NTN1: variants seen among roughly 807,000 people sequenced by gnomAD.
NTN1 encodes the protein netrin-1.
NTN1 carries 11 observed loss-of-function variants against 54.2 expected under a neutral mutation model. That is an observed-to-expected ratio of 0.20 (90% CI 0.13 to 0.34). The LOEUF is 0.34. Ranked by LOEUF, NTN1 falls within the 10% of genes least tolerant of loss-of-function variation. The pLI is 1.00. For synonymous variants in NTN1, 371 were observed against 382.0 expected, an observed-to-expected ratio of 0.97 and a Z score of 0.33; for missense variants, 740 against 893.1, an observed-to-expected ratio of 0.83 and a Z score of 2.18.
the NTN1 span, among the ~76,000 whole-genome samples, chr17:9,003,553 G>A: frequency 6.7e-6 from 1 of 148,212 alleles, no homozygotes; most frequent in African/African-American, 2.4e-5. The surrounding 1 kb of genome is among the most constrained non-coding windows in gnomAD (Gnocchi z 7.4). Context: ...GCACGGTCAC[G>A]CCGGCAGGTC....
chr17:9,216,525 G>A (rs995879471), intron 5 of NTN1, among the ~76,000 whole-genome samples: 10 of 152,152 alleles, frequency 6.6e-5, no homozygotes, highest in East Asian at 1.9e-4. Context: ...AGTATTCACC[G>A]TTTGGTCCTT....
intron 6 of NTN1, among the ~76,000 whole-genome samples, chr17:9,224,476 A>G (rs1905467543): frequency 1.3e-5 from 2 of 152,178 alleles, no homozygotes; most frequent in Admixed American, 1.3e-4. Context: ...CTCATGGGTT[A>G]TCAGCAAAGC....
chr17:9,198,981 C>T (rs1306214209), intron 5 of NTN1, among the ~76,000 whole-genome samples: 3 of 152,148 alleles, frequency 2.0e-5, no homozygotes, highest in African/African-American at 4.8e-5. Context: ...GACTTGGGCC[C>T]CTTGGGACAA....
rs895740192 is a variant in NTN1 at position 9,239,278 on chromosome 17, C to A, written c.1487-362C>A. ...CACCCCTGAGGAACCTCCCTCTCCC[C>A]GCCAGCACTGCTCTCACCCGAGCGC... On this transcript the variant is annotated intron_variant, in intron 6 of 6. Coordinates refer to ENST00000173229, the MANE Select transcript of NTN1 (RefSeq NM_004822.3). This position sits in a 1 kb window ranked among gnomAD's most constrained non-coding sequence, Gnocchi z 5.2. 6.6e-6 allele frequency among the ~76,000 whole-genome samples: 1 copy of A among 152,176 alleles called. No homozygotes were observed. The highest frequency in any genetic ancestry group is 2.4e-5 in the African/African-American group (1 of 41,444).
At chr17:9,173,418 C>A (rs914084859) in intron 3 of NTN1, 1 of 152,466 alleles carries the variant, frequency 6.6e-6, no homozygotes. Context: ...GATATGGGGA[C>A]CTGGGGAGCC....
At position 9,239,188 on chromosome 17, in the gene NTN1, G is replaced by T. The variant is rs930756632; in HGVS notation, c.1487-452G>T. Among the ~76,000 whole-genome samples the T allele has an allele frequency of 4.6e-5, 7 of 152,180 alleles. No homozygotes were observed. The highest frequency in any genetic ancestry group is 1.4e-4 in the African/African-American group (6 of 41,440). On this transcript the variant is annotated intron_variant, in intron 6 of 6. Transcript: ENST00000173229. The surrounding 1 kb of genome is among the most constrained non-coding windows in gnomAD (Gnocchi z 5.2). The stretch of plus-strand genomic sequence containing the variant: ...TTATGGTTTTCTGAGGCTGGTTGGA[G>T]GGCCAGGCTGTGTGTGGAGTGTCAT...
intron 3 of NTN1, chr17:9,177,491 A>T (rs2092403512): frequency 1.3e-5 from 2 of 152,278 alleles, no homozygotes; most frequent in African/African-American, 4.8e-5. Context: ...CCAAGGATCC[A>T]GAAGTTACTG....
rs2091857053 is a variant in NTN1 at position 9,022,852 on chromosome 17, C to CCATCTACAAGTCCATGGA, written c.481_498dup (p.Ile161_Asp166dup). On this transcript the variant is annotated inframe_insertion, in exon 2 of 7. Coordinates refer to ENST00000173229, the MANE Select transcript of NTN1 (RefSeq NM_004822.3). ...TGCTCGCCGCGGCCCGAGTCCATGG[C>CCATCTACAAGTCCATGGA]CATCTACAAGTCCATGGACTACGGG... 6.2e-7 allele frequency: 1 copy of CCATCTACAAGTCCATGGA among 1,611,406 alleles called. No individual in the cohort carries two copies. Among genetic ancestry groups the CCATCTACAAGTCCATGGA allele is most frequent in the African/African-American group, 1.3e-5 (1 of 74,846 alleles).
At chr17:9,199,787 T>C (rs971611233) in intron 5 of NTN1, among the ~76,000 whole-genome samples, 4 of 152,278 alleles carry the variant, frequency 2.6e-5, no homozygotes, top group Admixed American at 6.5e-5. Context: ...TAACAACATA[T>C]AGTCTTCACT....
intron 6 of NTN1, among the ~76,000 whole-genome samples, chr17:9,237,868 C>T (rs1906044105): frequency 6.6e-6 from 1 of 152,204 alleles, no homozygotes; most frequent in South Asian, 2.1e-4. Flanking sequence ...AGAGTTCACA[C>T]TGAGTGTTGA....
At position 9,180,417 on chromosome 17, in the gene NTN1, C is replaced by T. The variant is rs550217624; in HGVS notation, c.1357+461C>T. ...CAGTGAGTCCACGTGGGAGACCCCC[C>T]AAGCTCATAGAGTTCTTGCAGAAGC... On this transcript the variant is annotated intron_variant, in intron 4 of 6. Coordinates refer to ENST00000173229, the MANE Select transcript of NTN1 (RefSeq NM_004822.3). Among the ~76,000 whole-genome samples, 80 of 152,362 alleles carry T rather than the reference C, an allele frequency of 5.3e-4. No homozygotes were observed. The South Asian group carries it at 0.015, about 29-fold the overall frequency.
intron 2 of NTN1, among the ~76,000 whole-genome samples, chr17:9,119,335 A>G (rs1337989346): frequency 6.6e-6 from 1 of 151,906 alleles, no homozygotes; most frequent in Non-Finnish European, 1.5e-5. Flanking sequence ...TTACAGGCAC[A>G]CACCACCACT....
chr17:9,125,152 G>C (rs1268168966), intron 2 of NTN1, among the ~76,000 whole-genome samples: 1 of 151,354 alleles, frequency 6.6e-6, no homozygotes, highest in Non-Finnish European at 1.5e-5. Context: ...GCCTCAACCA[G>C]GTGGGCTCAA....
intron 2 of NTN1, among the ~76,000 whole-genome samples, chr17:9,125,381 C>G (rs1370465969): frequency 1.3e-5 from 2 of 152,102 alleles, no homozygotes; most frequent in African/African-American, 4.8e-5. Context: ...TGCTTGCCAC[C>G]ATGCCCAGGT....
chr17:9,026,395 G>GGA (rs372426014), intron 2 of NTN1, among the ~76,000 whole-genome samples: 101 of 148,804 alleles, frequency 6.8e-4, no homozygotes, highest in Non-Finnish European at 1.3e-3. Flanking sequence ...TTCTTCCGGG[G>GGA]GGGGGGAACA....
intron 4 of NTN1, 34 bp from the exon 5 acceptor site, chr17:9,182,882 T>C (rs1435186427): frequency 6.2e-7 from 1 of 1,610,676 alleles, no homozygotes; most frequent in Non-Finnish European, 8.5e-7. Flanking sequence ...TTGTTTTCTC[T>C]CCTCCCCTCG....
chr17:9,005,529 C>G, the NTN1 span, among the ~76,000 whole-genome samples: 3 of 151,814 alleles, frequency 2.0e-5, no homozygotes, highest in African/African-American at 7.3e-5. Context: ...GCATTTTAAA[C>G]AAGCATCCTG....
intron 2 of NTN1, among the ~76,000 whole-genome samples, chr17:9,030,031 C>G (rs1321728769): frequency 1.3e-5 from 2 of 152,084 alleles, no homozygotes; most frequent in Admixed American, 6.6e-5. Flanking sequence ...GTGAATTTCC[C>G]CCCACATCAA....
At chr17:9,076,704 G>A (rs1207411464) in intron 2 of NTN1, among the ~76,000 whole-genome samples, 1 of 152,222 alleles carries the variant, frequency 6.6e-6, no homozygotes. Context: ...TTAGCTCACA[G>A]TTTCTCAGCC....
Sources: gnomAD v4.1 joint callset for allele counts (sites outside exome capture counted in the v4.1 genomes callset) on GRCh38, gnomAD v4.1.1 for gene constraint, Gnocchi (gnomAD v3.1) non-coding constraint, MANE v1.5 for transcripts, NCBI Gene and HGNC (gene_info 2026-07-23, HGNC 2026-07-21) for gene names.